Variants in CCDC60 observed in about 807,000 individuals in gnomAD.
CCDC60 encodes the protein coiled-coil domain containing 60.
CCDC60 carries 54 observed loss-of-function variants against 63.5 expected under a neutral mutation model. The ratio of observed to expected loss-of-function variants is 0.85; its 90% CI spans 0.68 to 1.07. CCDC60 has a LOEUF of 1.07. Ranked by LOEUF, CCDC60 falls within the 50% of genes least tolerant of loss-of-function variation. The pLI is 0.00. For missense variants in CCDC60, 651 were observed against 684.3 expected, an observed-to-expected ratio of 0.95 and a Z score of 0.54; for synonymous variants, 206 against 238.8, an observed-to-expected ratio of 0.86 and a Z score of 1.27.
At chr12:119,347,294 G>GGT (rs938504227) in intron 1 of CCDC60, among the ~76,000 whole-genome samples, 1 of 152,058 alleles carries the variant, frequency 6.6e-6, no homozygotes, top group East Asian at 1.9e-4. Context: ...GAGGCTCTGG[G>GGT]GTGTGTGTGG....
chr12:119,531,155 C>T (rs1228264851), intron 13 of CCDC60, 92 bp downstream of exon 13: 1 of 1,105,904 alleles, frequency 9.0e-7, no homozygotes, highest in Non-Finnish European at 1.3e-6. Context: ...GCTGGGGACA[C>T]AAAGTCCCCT....
chr12:119,485,596 G>C (rs1039296002), intron 4 of CCDC60, among the ~76,000 whole-genome samples: 2 of 152,068 alleles, frequency 1.3e-5, no homozygotes, highest in African/African-American at 4.8e-5. Context: ...CTTTTTCTCA[G>C]TGCTCGCAGC....
intron 7 of CCDC60, among the ~76,000 whole-genome samples, chr12:119,514,684 G>A (rs1364025887): frequency 6.6e-6 from 1 of 152,124 alleles, no homozygotes; most frequent in African/African-American, 2.4e-5. Context: ...AGTAAGCTAA[G>A]TTTAATTTAT....
chr12:119,433,971 T>A (rs1450277603), intron 2 of CCDC60, among the ~76,000 whole-genome samples: 2 of 152,212 alleles, frequency 1.3e-5, no homozygotes, highest in Non-Finnish European at 2.9e-5. Context: ...TGAAGTGCGA[T>A]GACGTACCTT....
chr12:119,511,792 A>G (rs1021557288), intron 7 of CCDC60, among the ~76,000 whole-genome samples: 5 of 152,162 alleles, frequency 3.3e-5, no homozygotes, highest in African/African-American at 1.2e-4. Flanking sequence ...TTGTTTGCTT[A>G]TGAGTTGGGG....
At position 119,456,262 on chromosome 12, in the gene CCDC60, A is replaced by G. The variant is rs1047266663; in HGVS notation, c.171-15732A>G. ...GAATGATGAGATTTGCCTTTTCAAA[A>G]AAGCCCTGGGGCAGCCAGGTGGCCA... On this transcript the variant is annotated intron_variant, in intron 2 of 13. Coordinates refer to ENST00000327554, the MANE Select transcript of CCDC60 (RefSeq NM_178499.5). The surrounding 1 kb of genome is among the most constrained non-coding windows in gnomAD (Gnocchi z 4.6). 1.2e-4 allele frequency among the ~76,000 whole-genome samples: 18 copies of G among 152,310 alleles called. No homozygotes were observed. The highest frequency in any genetic ancestry group is 4.3e-4 in the African/African-American group (18 of 41,572).
chr12:119,380,407 T>G (rs1955996232), intron 1 of CCDC60, among the ~76,000 whole-genome samples: 1 of 152,194 alleles, frequency 6.6e-6, no homozygotes, highest in African/African-American at 2.4e-5. Context: ...GAGAGCAGAT[T>G]GTTAAGCATT....
chr12:119,484,227 G>A (rs1044760678), intron 4 of CCDC60, among the ~76,000 whole-genome samples: 4 of 152,170 alleles, frequency 2.6e-5, no homozygotes, highest in South Asian at 2.1e-4. Context: ...TCTGCAAAAC[G>A]GGGATAATAA....
At chr12:119,425,539 A>G (rs1956884590) in intron 1 of CCDC60, among the ~76,000 whole-genome samples, 1 of 152,330 alleles carries the variant, frequency 6.6e-6, no homozygotes, top group South Asian at 2.1e-4. Flanking sequence ...TAAATAATAA[A>G]GGAAATGTTC....
intron 1 of CCDC60, among the ~76,000 whole-genome samples, chr12:119,418,382 C>CTTTTT (rs1202154024): frequency 1.6e-5 from 1 of 60,726 alleles, no homozygotes; most frequent in Non-Finnish European, 3.7e-5. Context: ...CCTTTTCTTT[C>CTTTTT]TTTCTTTTTT....
intron 13 of CCDC60, 89 bp downstream of exon 13, chr12:119,531,152 A>ACTTTGTGTCCCCAG: frequency 3.4e-6 from 4 of 1,168,176 alleles, no homozygotes; most frequent in Non-Finnish European, 4.9e-6. Flanking sequence ...AGTGCTGGGG[A>ACTTTGTGTCCCCAG]CACAAAGTCC....
Position 119,488,903 on chromosome 12 carries a change from G to A in CCDC60, c.557+37G>A, listed in dbSNP as rs932917901. 2.6e-6 allele frequency: 4 copies of A among 1,521,700 alleles called. No individual in the cohort carries two copies. The African/African-American group carries it at 5.5e-5, about 21-fold the overall frequency. The allele number at this position is 1,521,700 out of a possible 1,614,324, so 94.3% of individuals were successfully genotyped here. On this transcript the variant is annotated intron_variant, in intron 5 of 13. Coordinates refer to ENST00000327554, the MANE Select transcript of CCDC60 (RefSeq NM_178499.5). ...CCCTTCAACTTGTCTTAGACTAGCA[G>A]TAGGCTGGGCAGTGGGGAAGAGATT... is the stretch of plus-strand genomic sequence containing the variant.
At chr12:119,361,226 A>C in intron 1 of CCDC60, among the ~76,000 whole-genome samples, 1 of 151,844 alleles carries the variant, frequency 6.6e-6, no homozygotes, top group Admixed American at 6.6e-5. Context: ...GGAGAGCTCA[A>C]GTCTATCACA....
At chr12:119,398,262 A>C (rs112395351) in intron 1 of CCDC60, among the ~76,000 whole-genome samples, 1,774 of 151,884 alleles carry the variant, frequency 0.012, 39 homozygotes, top group African/African-American at 0.041. Context: ...ACCCGGCGCA[A>C]CCTCTGCAGC....
Position 119,385,689 on chromosome 12 carries a change from G to T in CCDC60, c.91-42994G>T, listed in dbSNP as rs373649047. 3.9e-5 allele frequency among the ~76,000 whole-genome samples: 6 copies of T among 152,346 alleles called. No individual in the cohort carries two copies. In the South Asian group the frequency reaches 6.2e-4, roughly 16 times the overall value. ...ATACAAAAGGGCAGGGAGATAGAAA[G>T]GTTGGAGTCTCTGTTCCCAGTCTCA... On this transcript the variant is annotated intron_variant, in intron 1 of 13. Coordinates refer to ENST00000327554, the MANE Select transcript of CCDC60 (RefSeq NM_178499.5).
At chr12:119,359,054 C>T (rs1955745875) in intron 1 of CCDC60, among the ~76,000 whole-genome samples, 1 of 152,184 alleles carries the variant, frequency 6.6e-6, no homozygotes, top group Admixed American at 6.5e-5. Flanking sequence ...TTTATACTAC[C>T]ACCAGCAGTG....
rs765821915 is a variant in CCDC60 at position 119,488,873 on chromosome 12, C to T, written c.557+7C>T. On this transcript the variant is annotated splice_region_variant and intron_variant, in intron 5 of 13. Coordinates refer to ENST00000327554, the MANE Select transcript of CCDC60 (RefSeq NM_178499.5). Reference sequence around the variant, plus strand: ...TCACCTGCTGGAACCCAAAGTATGCCTCAGCCCTTCAACTTGTCTTAGACT... The same window carrying T: ...TCACCTGCTGGAACCCAAAGTATGCTTCAGCCCTTCAACTTGTCTTAGACT... 1 of 1,607,024 alleles carries T rather than the reference C, an allele frequency of 6.2e-7. No homozygotes were observed. The highest frequency in any genetic ancestry group is 8.5e-7 in the Non-Finnish European group (1 of 1,173,566).
At chr12:119,431,637 A>T (rs1160308578) in intron 2 of CCDC60, among the ~76,000 whole-genome samples, 1 of 152,050 alleles carries the variant, frequency 6.6e-6, no homozygotes, top group Non-Finnish European at 1.5e-5. Context: ...GAGGGCTGTT[A>T]TCGTCATTGT....
intron 2 of CCDC60, among the ~76,000 whole-genome samples, chr12:119,448,339 C>G (rs1315964189): frequency 6.6e-6 from 1 of 152,068 alleles, no homozygotes. Context: ...TCAGACAGAC[C>G]GAAATCCAAA....
Sources: allele counts gnomAD v4.1 joint callset (sites outside exome capture counted in the v4.1 genomes callset), GRCh38; gene constraint gnomAD v4.1.1; non-coding constraint Gnocchi (gnomAD v3.1); transcripts MANE v1.5; gene names NCBI Gene and HGNC (gene_info 2026-07-23, HGNC 2026-07-21).